HSF4: variants seen among roughly 807,000 people sequenced by gnomAD.
HSF4 encodes heat shock transcription factor 4.
Under a neutral mutation model 52.0 loss-of-function variants are expected in HSF4, and 41 were observed. The ratio of observed to expected loss-of-function variants is 0.79; its 90% CI spans 0.61 to 1.02. The LOEUF (loss-of-function observed/expected upper bound fraction) is 1.02. HSF4 is among the 50% of genes least tolerant of loss of function. HSF4 has a pLI of 0.00. For synonymous variants in HSF4, 285 were observed against 273.0 expected, an observed-to-expected ratio of 1.04 and a Z score of -0.43; for missense variants, 610 against 651.1, an observed-to-expected ratio of 0.94 and a Z score of 0.69.
In HSF4 at chr16:67,169,850, C is replaced by A. The variant is rs2031626367; in HGVS notation, c.*65C>A. Reference sequence around the variant, plus strand: ...CTGCACATCCTTCTTGGCTTCCTGGCGCCCCCTATCGGGGGTGAGCGAAGC... The same window carrying A: ...CTGCACATCCTTCTTGGCTTCCTGGAGCCCCCTATCGGGGGTGAGCGAAGC... On this transcript the variant is annotated 3_prime_UTR_variant, in exon 13 of 13. Coordinates refer to ENST00000521374, the MANE Select transcript of HSF4 (RefSeq NM_001374675.1). This position sits in a 1 kb window ranked among gnomAD's most constrained non-coding sequence, Gnocchi z 4.3. 4 of 1,587,652 alleles carry A rather than the reference C, an allele frequency of 2.5e-6. No individual in the cohort carries two copies. The highest frequency in any genetic ancestry group is 1.1e-5 in the South Asian group (1 of 90,620).
In HSF4 at chr16:67,165,272, CCT is replaced by C. The variant is rs1427824157; in HGVS notation, c.124-246_124-245del. On this transcript the variant is annotated intron_variant, in intron 1 of 12. Coordinates refer to ENST00000521374, the MANE Select transcript of HSF4 (RefSeq NM_001374675.1). The surrounding 1 kb of genome is among the most constrained non-coding windows in gnomAD (Gnocchi z 6.9). ...ATTGCGGGGCTGGGAACCCCGTCAG[CCT>C]CTCCTTTCTGAGAACTGAGTATGGA... 2.5e-5 allele frequency: 15 copies of C among 597,720 alleles called. No individual in the cohort carries two copies. The highest frequency in any genetic ancestry group is 3.6e-5 in the Non-Finnish European group (12 of 335,966). 37.0% of individuals were successfully genotyped at this position (597,720 alleles called of 1,614,324 possible). A position where few individuals can be genotyped will look rare whatever the true frequency, so the allele number is the denominator to read the frequency against.
At chr16:67,166,674 G>A in intron 6 of HSF4, 52 bp downstream of exon 6, 2 of 1,549,710 alleles carry the variant, frequency 1.3e-6, no homozygotes, top group Non-Finnish European at 1.8e-6. Flanking sequence ...CCCCCCAGAA[G>A]TCCCCTTGCA....
In HSF4 at chr16:67,167,459, A is replaced by C. The variant is rs766261656; in HGVS notation, c.730-16A>C. On this transcript the variant is annotated splice_polypyrimidine_tract_variant and intron_variant, in intron 7 of 12. Transcript: ENST00000521374. ...TGCCTACAGGCCAAGGGCTGGGCCT[A>C]GCCTTCTACTTACAGCCTCTCCCAG... The C allele has an allele frequency of 1.2e-6, 2 of 1,613,702 alleles. No individual in the cohort carries two copies. The highest frequency in any genetic ancestry group is 1.7e-6 in the Non-Finnish European group (2 of 1,180,040).
Position 67,167,537 on chromosome 16 carries a change from C to T in HSF4, c.792C>T (p.Asp264=). 1 of 1,613,794 alleles carries T rather than the reference C, an allele frequency of 6.2e-7. No individual in the cohort carries two copies. The highest frequency in any genetic ancestry group is 8.5e-7 in the Non-Finnish European group (1 of 1,179,992). ...PHRARGPIIS[D]IPEDSPSPEG... ...GGGCCAGGGGCCCCATCATCTCTGACATCCCAGAAGACTCTCCATCCCCTG... is the reference window on the plus strand; with the variant it reads ...GGGCCAGGGGCCCCATCATCTCTGATATCCCAGAAGACTCTCCATCCCCTG... The change falls in exon 8 of 13, where the codon GAC becomes GAT. Residue 264 remains aspartate (D), a synonymous_variant. Coordinates refer to ENST00000521374, the MANE Select transcript of HSF4 (RefSeq NM_001374675.1).
At position 67,165,644 on chromosome 16, in the gene HSF4, G is replaced by GC. The variant is rs2031208394; in HGVS notation, c.232+16dup. ...AACTCAACATGTGTGAGTCCCTACG[G>GC]CCGGGCGGGGAGCGGGGATGGGGGA... is the stretch of plus-strand genomic sequence containing the variant. On this transcript the variant is annotated intron_variant, in intron 2 of 12. Transcript: ENST00000521374. The surrounding 1 kb of genome is among the most constrained non-coding windows in gnomAD (Gnocchi z 6.9). 2 of 1,612,792 alleles carry GC rather than the reference G, an allele frequency of 1.2e-6. No homozygotes were observed. Among genetic ancestry groups the GC allele is most frequent in the Non-Finnish European group, 8.5e-7 (1 of 1,179,868 alleles).
At position 67,167,888 on chromosome 16, in the gene HSF4, C is replaced by T. The variant is rs777916415; in HGVS notation, c.1023C>T (p.Pro341=). 12 of 1,606,130 alleles carry T rather than the reference C, an allele frequency of 7.5e-6. No homozygotes were observed. The East Asian group carries it at 9.0e-5, about 12-fold the overall frequency. The change falls in exon 9 of 13, where the codon CCC becomes CCT. Residue 341 remains proline, a synonymous_variant. Coordinates refer to ENST00000521374, the MANE Select transcript of HSF4 (RefSeq NM_001374675.1). ...TGGAAGGGAAAGGGAGCTTCAGCCC[C>T]GAGGGGCCCAGGAATGCCCAACAGC... ...AILEGKGSFS[P]EGPRNAQQPE...
chr16:67,167,071 G>T (rs745586510), intron 6 of HSF4, 49 bp from the exon 7 acceptor site: 2 of 1,613,118 alleles, frequency 1.2e-6, no homozygotes, highest in South Asian at 1.1e-5. Flanking sequence ...CGAGGTGCAT[G>T]GGGGCTGACC....
rs1316913745 is a variant in HSF4, at chr16:67,169,172, CTG to C, written c.1254+74_1254+75del. 1.2e-6 allele frequency: 2 copies of C among 1,606,064 alleles called. No homozygotes were observed. Among genetic ancestry groups the C allele is most frequent in the East Asian group, 4.5e-5 (2 of 44,854 alleles). On this transcript the variant is annotated intron_variant, in intron 11 of 12. Transcript: ENST00000521374. The surrounding 1 kb of genome is among the most constrained non-coding windows in gnomAD (Gnocchi z 4.3). Reference sequence around the variant, plus strand: ...AAGCCCTCTGGTCCATAGCTGTTCTCTGTGAGCCAAAGCCGTGTCTCTAGAAG... The same window carrying C: ...AAGCCCTCTGGTCCATAGCTGTTCTCTGAGCCAAAGCCGTGTCTCTAGAAG...
rs747603898 is a variant in HSF4 at position 67,165,670 on chromosome 16, C to T, written c.232+40C>T. On this transcript the variant is annotated intron_variant, in intron 2 of 12. Coordinates refer to ENST00000521374, the MANE Select transcript of HSF4 (RefSeq NM_001374675.1). This position sits in a 1 kb window ranked among gnomAD's most constrained non-coding sequence, Gnocchi z 6.9. ...CCGGGCGGGGAGCGGGGATGGGGGACTCGGTGCCGGGGATGGGGCGACCCA... is the reference window on the plus strand; with the variant it reads ...CCGGGCGGGGAGCGGGGATGGGGGATTCGGTGCCGGGGATGGGGCGACCCA... 2.5e-6 allele frequency: 4 copies of T among 1,612,128 alleles called. No homozygotes were observed. Among genetic ancestry groups the T allele is most frequent in the Non-Finnish European group, 8.5e-7 (1 of 1,179,748 alleles).
Position 67,169,764 on chromosome 16 carries a change from G to T in HSF4, c.1458G>T (p.Pro486=). The change falls in exon 13 of 13, where the codon CCG becomes CCT. Residue 486 remains proline (P), a synonymous_variant. Coordinates refer to ENST00000521374, the MANE Select transcript of HSF4 (RefSeq NM_001374675.1). This position sits in a 1 kb window ranked among gnomAD's most constrained non-coding sequence, Gnocchi z 4.3. ...GCCGGACTGCCTCCTACTTGGGCCC[G>T]GAAGCCAGTCCCTCCCCCTAAGACC... The part of the protein sequence containing the change: ...PESRTASYLG[P]EASPSP 6.2e-7 allele frequency: 1 copy of T among 1,613,026 alleles called. No homozygotes were observed. The highest frequency in any genetic ancestry group is 8.5e-7 in the Non-Finnish European group (1 of 1,179,986).
At chr16:67,169,932 G>GTTTT in exon 13 of HSF4, 1 of 629,428 alleles carries the variant, frequency 1.6e-6, no homozygotes, top group Non-Finnish European at 2.7e-6. The surrounding 1 kb of genome is among the most constrained non-coding windows in gnomAD (Gnocchi z 4.3). Flanking sequence ...CATAAACTCC[G>GTTTT]TTTTTTTTTT....
intron 7 of HSF4, 64 bp downstream of exon 7, chr16:67,167,286 TC>T: frequency 1.2e-6 from 2 of 1,611,634 alleles, no homozygotes; most frequent in Non-Finnish European, 1.7e-6. Flanking sequence ...CTGTTCCTTC[TC>T]CCCATCCCCT....
chr16:67,165,656 GCGGGGATGGGGGACTCGGTGC>G lies in HSF4; in HGVS notation c.232+38_233-31del. The G allele has an allele frequency of 6.2e-7, 1 of 1,612,506 alleles. No homozygotes were observed. Among genetic ancestry groups the G allele is most frequent in the Non-Finnish European group, 8.5e-7 (1 of 1,179,834 alleles). Reference sequence around the variant, plus strand: ...GTGAGTCCCTACGGCCGGGCGGGGAGCGGGGATGGGGGACTCGGTGCCGGGGATGGGGCGACCCACGCCCCC... The same window carrying G: ...GTGAGTCCCTACGGCCGGGCGGGGAGCGGGGATGGGGCGACCCACGCCCCC... On this transcript the variant is annotated intron_variant, in intron 2 of 12. Coordinates refer to ENST00000521374, the MANE Select transcript of HSF4 (RefSeq NM_001374675.1). The surrounding 1 kb of genome is among the most constrained non-coding windows in gnomAD (Gnocchi z 6.9).
intron 1 of HSF4, 63 bp downstream of exon 1, chr16:67,164,997 C>G: frequency 6.8e-7 from 1 of 1,476,748 alleles, no homozygotes; most frequent in Non-Finnish European, 9.1e-7. Flanking sequence ...CAGTGAACAC[C>G]CATGCCCGCC....
chr16:67,167,216 C>A lies in HSF4; in HGVS notation c.723C>A (p.Ile241=). ...CCCTTCTGCAGGACCCCTACTTCATCCAGTCGGTAGGTTTGTCTTCTTCCC... is the reference window on the plus strand; with the variant it reads ...CCCTTCTGCAGGACCCCTACTTCATACAGTCGGTAGGTTTGTCTTCTTCCC... ...PGALLQDPYF[I]QSPLPETNLG... The change falls in exon 7 of 13, where the codon ATC becomes ATA. Residue 241 remains isoleucine (I), a synonymous_variant. Coordinates refer to ENST00000521374, the MANE Select transcript of HSF4 (RefSeq NM_001374675.1). 1 of 1,614,180 alleles carries A rather than the reference C, an allele frequency of 6.2e-7. No homozygotes were observed. The highest frequency in any genetic ancestry group is 2.2e-5 in the East Asian group (1 of 44,886).
chr16:67,167,259 C>T, intron 7 of HSF4, 37 bp downstream of exon 7: 3 of 1,613,690 alleles, frequency 1.9e-6, no homozygotes, highest in East Asian at 2.2e-5. Flanking sequence ...AAGGGCATGG[C>T]TGGGCTTATG....
At chr16:67,166,291 G>A in intron 4 of HSF4, 29 bp from the exon 5 acceptor site, 1 of 1,600,930 alleles carries the variant, frequency 6.2e-7, no homozygotes, top group Non-Finnish European at 8.5e-7. Context: ...ACTCTCAGAT[G>A]CCTCAGCACC....
At position 67,167,614 on chromosome 16, in the gene HSF4, G is replaced by C; in HGVS notation, c.854+15G>C. 1 of 1,612,868 alleles carries C rather than the reference G, an allele frequency of 6.2e-7. No individual in the cohort carries two copies. The highest frequency in any genetic ancestry group is 8.5e-7 in the Non-Finnish European group (1 of 1,179,644). On this transcript the variant is annotated intron_variant, in intron 8 of 12. Coordinates refer to ENST00000521374, the MANE Select transcript of HSF4 (RefSeq NM_001374675.1). Reference sequence around the variant, plus strand: ...GATGGCAGGAGGTAAGGGGGACAGGGCTGCCCCTGAGGGGCCTGTGGGGGA... The same window carrying C: ...GATGGCAGGAGGTAAGGGGGACAGGCCTGCCCCTGAGGGGCCTGTGGGGGA...
chr16:67,164,729 G>A, upstream of HSF4: 2 of 1,461,470 alleles, frequency 1.4e-6, no homozygotes, highest in Non-Finnish European at 1.8e-6. Context: ...AGGGCGGAGC[G>A]GGCGGCAAAC....
Sources: allele counts gnomAD v4.1 joint callset, GRCh38; gene constraint gnomAD v4.1.1; non-coding constraint Gnocchi (gnomAD v3.1); transcripts MANE v1.5; gene names NCBI Gene and HGNC (gene_info 2026-07-23, HGNC 2026-07-21).